MCC: variants seen among roughly 807,000 people sequenced by gnomAD.
MCC encodes the protein colorectal mutant cancer protein.
In MCC, 90 loss-of-function variants were observed where a neutral mutation model predicts 116.2. That is an observed-to-expected ratio of 0.77 (90% confidence interval 0.65 to 0.92). The LOEUF is 0.92. MCC is among the 40% of genes least tolerant of loss of function. The probability of loss-of-function intolerance (pLI) is 0.00; values close to 1 mark genes in which losing one functional copy is unlikely to be tolerated. For missense variants in MCC, 1,516 were observed against 1,312.2 expected (o/e 1.16, Z -2.40); for synonymous variants, 578 against 510.5 (o/e 1.13, Z -1.78).
At chr5:113,063,788 G>T (rs1450947775) in intron 14 of MCC, among the ~76,000 whole-genome samples, 196 bp downstream of exon 14, 7 of 152,250 alleles carry the variant, frequency 4.6e-5, no homozygotes, top group Admixed American at 4.6e-4. Flanking sequence ...CATTGGCAAA[G>T]TGAGAGGGCC....
Position 113,483,009 on chromosome 5 carries a change from T to A in MCC, c.170+5236A>T, listed in dbSNP as rs540192937. 1.1e-4 allele frequency among the ~76,000 whole-genome samples: 17 copies of A among 152,024 alleles called. No individual in the cohort carries two copies. The South Asian group carries it at 3.5e-3, about 32-fold the overall frequency. ...CCCATATCATTTCTCAAAAAGACTA[T>A]TTTTTCCCCCATTTTACCCTTGACC... On this transcript the variant is annotated intron_variant, in intron 1 of 18. Transcript: ENST00000408903.
At chr5:113,083,734 C>G (rs1198490935) in intron 10 of MCC, among the ~76,000 whole-genome samples, 1 of 152,132 alleles carries the variant, frequency 6.6e-6, no homozygotes, top group Non-Finnish European at 1.5e-5. Flanking sequence ...CATCCCCTTT[C>G]AAGATGGATG....
intron 6 of MCC, among the ~76,000 whole-genome samples, chr5:113,113,651 CAAA>C (rs11405354): frequency 0.039 from 4,231 of 108,348 alleles, 103 homozygotes; most frequent in East Asian, 0.099. Context: ...TATGTTCTTG[CAAA>C]AAAAAAAAAA....
intron 6 of MCC, among the ~76,000 whole-genome samples, chr5:113,109,986 TC>T (rs1258734730): frequency 1.3e-5 from 2 of 152,054 alleles, no homozygotes; most frequent in Admixed American, 1.3e-4. Flanking sequence ...ATTTTAAAAA[TC>T]TTTTTTTTTT....
Position 113,022,271 on chromosome 5 carries a change from C to G in MCC, c.*5031G>C, listed in dbSNP as rs1163355128. The G allele has an allele frequency of 1.3e-5, 2 of 152,564 alleles. No homozygotes were observed. The highest frequency in any genetic ancestry group is 2.1e-4 in the South Asian group (1 of 4,838). 9.5% of individuals were successfully genotyped at this position (152,564 alleles called of 1,614,324 possible). On this transcript the variant is annotated 3_prime_UTR_variant, in exon 19 of 19. Transcript: ENST00000408903. ...GGCATCTGGAAACATTTAAAGAATACAAGTGGAGAATCTAAAAAATTACAA... is the reference window on the plus strand; with the variant it reads ...GGCATCTGGAAACATTTAAAGAATAGAAGTGGAGAATCTAAAAAATTACAA...
rs1750248028 is a variant in MCC at position 113,022,916 on chromosome 5, G to A, written c.*4386C>T. The A allele has an allele frequency of 6.6e-6, 1 of 151,894 alleles. No individual in the cohort carries two copies. The highest frequency in any genetic ancestry group is 2.4e-5 in the African/African-American group (1 of 41,310). 9.4% of individuals were successfully genotyped at this position (151,894 alleles called of 1,614,324 possible). ...GCAAAATCTCACCCAGATGTAATGT[G>A]ATAAACAAACAGTTTACCCAGTGTA... On this transcript the variant is annotated 3_prime_UTR_variant, in exon 19 of 19. Coordinates refer to ENST00000408903, the MANE Select transcript of MCC (RefSeq NM_001085377.2).
intron 3 of MCC, among the ~76,000 whole-genome samples, chr5:113,251,429 T>G (rs1324740371): frequency 6.6e-6 from 1 of 152,200 alleles, no homozygotes; most frequent in African/African-American, 2.4e-5. Context: ...TTTCTGATAG[T>G]TGGAAATCTC....
intron 3 of MCC, chr5:113,294,528 C>A (rs549389078): frequency 1.4e-6 from 2 of 1,463,692 alleles, no homozygotes; most frequent in Non-Finnish European, 9.0e-7. Context: ...AGTTGCGAAG[C>A]GCAAACGGAG....
intron 12 of MCC, 74 bp from the exon 13 acceptor site, chr5:113,068,257 G>T: frequency 9.0e-7 from 1 of 1,112,642 alleles, no homozygotes; most frequent in South Asian, 1.3e-5. Flanking sequence ...CGGTTTCTGT[G>T]CAGGAGGCAG....
intron 4 of MCC, among the ~76,000 whole-genome samples, chr5:113,150,151 A>G (rs1324310962): frequency 2.6e-5 from 4 of 152,188 alleles, no homozygotes; most frequent in African/African-American, 9.6e-5. Flanking sequence ...AAAGGAAAGA[A>G]AAGGTCCAGA....
intron 3 of MCC, among the ~76,000 whole-genome samples, chr5:113,241,813 T>C (rs1164128307): frequency 6.6e-6 from 1 of 152,226 alleles, no homozygotes; most frequent in Non-Finnish European, 1.5e-5. Flanking sequence ...ATCTCCAAAG[T>C]AGACTAGACA....
chr5:113,343,796 T>C lies in MCC; in HGVS notation c.416-3066A>G, dbSNP rs111680566. 1.3e-3 allele frequency among the ~76,000 whole-genome samples: 202 copies of C among 152,324 alleles called. 3 individuals carry two copies. Among genetic ancestry groups the C allele is most frequent in the African/African-American group, 4.2e-3 (174 of 41,572 alleles). On this transcript the variant is annotated intron_variant, in intron 2 of 18. Transcript: ENST00000408903. Reference sequence around the variant, plus strand: ...GAATTAAGTCAAAATAAATTATACATTTAAACTTTTTCTTTATGCAAACAT... The same window carrying C: ...GAATTAAGTCAAAATAAATTATACACTTAAACTTTTTCTTTATGCAAACAT...
At chr5:113,258,677 G>T (rs1039875669) in intron 3 of MCC, among the ~76,000 whole-genome samples, 3 of 152,218 alleles carry the variant, frequency 2.0e-5, no homozygotes, top group East Asian at 1.9e-4. Context: ...AAGGTTGGGG[G>T]TCACTCACTT....
At chr5:113,322,131 C>T (rs997424646) in intron 3 of MCC, among the ~76,000 whole-genome samples, 1 of 152,156 alleles carries the variant, frequency 6.6e-6, no homozygotes, top group South Asian at 2.1e-4. Flanking sequence ...CGCACCTGGC[C>T]CATGATTTGT....
intron 1 of MCC, among the ~76,000 whole-genome samples, chr5:113,445,237 A>G (rs1771176292): frequency 6.6e-6 from 1 of 152,092 alleles, no homozygotes; most frequent in Non-Finnish European, 1.5e-5. Context: ...CAGAAGTCCT[A>G]GGGAGAGCAA....
At chr5:113,416,359 T>C (rs1242367348) in intron 1 of MCC, among the ~76,000 whole-genome samples, 1 of 152,056 alleles carries the variant, frequency 6.6e-6, no homozygotes, top group African/African-American at 2.4e-5. Flanking sequence ...TTTGAGGTTG[T>C]AGTGTGCTAT....
At position 113,022,802 on chromosome 5, in the gene MCC, T is replaced by G. The variant is rs1452917876; in HGVS notation, c.*4500A>C. On this transcript the variant is annotated 3_prime_UTR_variant, in exon 19 of 19. Transcript: ENST00000408903. ...TTCACCTGATTAGCAGATGGATGACTGTGGAAAGATGAAGTACTAGTCAAG... is the reference window on the plus strand; with the variant it reads ...TTCACCTGATTAGCAGATGGATGACGGTGGAAAGATGAAGTACTAGTCAAG... 1 of 152,230 alleles carries G rather than the reference T, an allele frequency of 6.6e-6. No individual in the cohort carries two copies. Among genetic ancestry groups the G allele is most frequent in the African/African-American group, 2.4e-5 (1 of 41,456 alleles). The allele number at this position is 152,230 out of a possible 1,614,324, so 9.4% of individuals were successfully genotyped here.
At chr5:113,127,332 A>C (rs1306686199) in intron 5 of MCC, among the ~76,000 whole-genome samples, 1 of 152,182 alleles carries the variant, frequency 6.6e-6, no homozygotes, top group Non-Finnish European at 1.5e-5. Context: ...GTGTCTTTAT[A>C]GTAGAATGCT....
intron 3 of MCC, among the ~76,000 whole-genome samples, chr5:113,185,141 G>T (rs78547914): frequency 6.6e-6 from 1 of 152,064 alleles, no homozygotes; most frequent in African/African-American, 2.4e-5. Context: ...AAGAGAGAGT[G>T]GGCATAAGGG....
Sources: gnomAD v4.1 joint callset for allele counts (sites outside exome capture counted in the v4.1 genomes callset) on GRCh38, gnomAD v4.1.1 for gene constraint, MANE v1.5 for transcripts, NCBI Gene and HGNC (gene_info 2026-07-23, HGNC 2026-07-21) for gene names.